Variants in FAM89A observed in about 807,000 individuals in gnomAD.
FAM89A encodes the protein family with sequence similarity 89 member A.
A neutral mutation model predicts 7.1 loss-of-function variants in FAM89A; 10 were observed. That is an observed-to-expected ratio of 1.40 (90% CI 0.86 to 2.38). FAM89A has a LOEUF of 2.38. FAM89A is among the 30% of genes most tolerant of loss of function. The pLI is 0.00. For missense variants in FAM89A, 276 were observed against 262.8 expected (o/e 1.05, Z -0.35); for synonymous variants, 157 against 129.3 (o/e 1.21, Z -1.45).
At chr1:231,037,808 A>T (rs1314530813) in intron 1 of FAM89A, among the ~76,000 whole-genome samples, 3 of 151,742 alleles carry the variant, frequency 2.0e-5, no homozygotes, top group Admixed American at 6.6e-5. Flanking sequence ...GGTCTTCCAC[A>T]CCACCCTGCT....
chr1:231,019,977 T>C lies in FAM89A; in HGVS notation c.441A>G (p.Glu147=). ...LENGFFDEEE[E]YFQEQNSLHD... is the part of the protein sequence containing the mutation. ...GCAGGGAGTTCTGCTCCTGGAAATATTCCTCCTCTTCATCGAAGAAGCCGT... is the reference window on the plus strand; with the variant it reads ...GCAGGGAGTTCTGCTCCTGGAAATACTCCTCCTCTTCATCGAAGAAGCCGT... The change falls in exon 2 of 2, where the codon GAA becomes GAG. Residue 147 remains glutamate (E), a synonymous_variant. Coordinates refer to ENST00000366654, the MANE Select transcript of FAM89A (RefSeq NM_198552.3). 2 of 1,614,098 alleles carry C rather than the reference T, an allele frequency of 1.2e-6. No individual in the cohort carries two copies.
intron 1 of FAM89A, among the ~76,000 whole-genome samples, chr1:231,037,321 T>C (rs1680173100): frequency 6.6e-6 from 1 of 152,208 alleles, no homozygotes; most frequent in Non-Finnish European, 1.5e-5. Context: ...CTAAAAGTGA[T>C]TATTTCTAGG....
chr1:231,037,628 C>T (rs1231030088), intron 1 of FAM89A, among the ~76,000 whole-genome samples: 3 of 152,174 alleles, frequency 2.0e-5, no homozygotes, highest in Admixed American at 1.3e-4. Context: ...TGGGATAATA[C>T]CATTCTCCTG....
At chr1:231,025,426 T>G (rs1234730667) in intron 1 of FAM89A, among the ~76,000 whole-genome samples, 1 of 152,160 alleles carries the variant, frequency 6.6e-6, no homozygotes, top group African/African-American at 2.4e-5. Flanking sequence ...ATATAAACTG[T>G]TGCTTCTCTG....
chr1:231,025,232 C>T (rs1027551222), intron 1 of FAM89A, among the ~76,000 whole-genome samples: 4 of 152,086 alleles, frequency 2.6e-5, no homozygotes, highest in African/African-American at 9.7e-5. Flanking sequence ...ACCACAACTA[C>T]CCTTGACACC....
chr1:231,022,128 G>A, intron 1 of FAM89A: 1 of 1,236,916 alleles, frequency 8.1e-7, no homozygotes, highest in Non-Finnish European at 1.2e-6. Context: ...GCTAATACTT[G>A]CCCAACTTGT....
At chr1:231,029,890 G>A (rs979618163) in intron 1 of FAM89A, among the ~76,000 whole-genome samples, 1 of 152,218 alleles carries the variant, frequency 6.6e-6, no homozygotes, top group African/African-American at 2.4e-5. Context: ...GGCCTGGACT[G>A]TAATTGAAGA....
At chr1:231,029,491 C>CAA (rs34339031) in intron 1 of FAM89A, among the ~76,000 whole-genome samples, 1 of 146,622 alleles carries the variant, frequency 6.8e-6, no homozygotes, top group African/African-American at 2.5e-5. Context: ...GACCCTGTCT[C>CAA]AAAAAAAAGA....
At chr1:231,026,161 TCAGGAA>T (rs1176096309) in intron 1 of FAM89A, 2 of 154,024 alleles carry the variant, frequency 1.3e-5, no homozygotes, top group Non-Finnish European at 2.9e-5. Context: ...CAGACTCACC[TCAGGAA>T]GGAGCAGCAG....
chr1:231,033,165 T>C (rs1278584035), intron 1 of FAM89A, among the ~76,000 whole-genome samples: 1 of 152,188 alleles, frequency 6.6e-6, no homozygotes, highest in Non-Finnish European at 1.5e-5. Flanking sequence ...TGTCTAATCA[T>C]CACTTCCAAA....
At chr1:231,037,073 T>A (rs764326795) in intron 1 of FAM89A, among the ~76,000 whole-genome samples, 5 of 151,952 alleles carry the variant, frequency 3.3e-5, no homozygotes, top group Non-Finnish European at 5.9e-5. Flanking sequence ...TATATGTATG[T>A]GTGTGTGTGT....
rs1680234260 is a variant in FAM89A, at chr1:231,040,056, C to T, written c.156G>A (p.Arg52=). The T allele has an allele frequency of 9.7e-6, 14 of 1,448,572 alleles. No homozygotes were observed. Among genetic ancestry groups the T allele is most frequent in the South Asian group, 1.4e-5 (1 of 73,866 alleles). 89.7% of individuals were successfully genotyped at this position (1,448,572 alleles called of 1,614,324 possible). A position where few individuals can be genotyped will look rare whatever the true frequency, so the allele number is the denominator to read the frequency against. The change falls in exon 1 of 2, where the codon CGG becomes CGA. Residue 52 remains arginine (R), a synonymous_variant. Transcript: ENST00000366654. ...GGATGCGCGACTTCTGCGCGTACAG[C>T]CGCTCCAGGTGCCGCCAGCCCCCAG... ...GASGGWRHLE[R]LYAQKSRIQD...
rs1417071483 is a variant in FAM89A at position 231,020,088 on chromosome 1, TTGGCAGAGCAAGGACATGTCCAGC to T, written c.306_329del (p.Asp104_Leu111del). The T allele has an allele frequency of 6.2e-7, 1 of 1,613,452 alleles. No individual in the cohort carries two copies. The highest frequency in any genetic ancestry group is 8.5e-7 in the Non-Finnish European group (1 of 1,179,770). On this transcript the variant is annotated inframe_deletion, in exon 2 of 2. Transcript: ENST00000366654. ...GAATCGACTCGTAGAGGCTGTACAG[TTGGCAGAGCAAGGACATGTCCAGC>T]TGGCGGAGACCAACCTTGAGGGAAG... is the stretch of plus-strand genomic sequence containing the variant.
At position 231,040,088 on chromosome 1, in the gene FAM89A, C is replaced by T. The variant is rs995435993; in HGVS notation, c.124G>A (p.Gly42Ser). The T allele has an allele frequency of 4.2e-6, 6 of 1,438,428 alleles. No homozygotes were observed. The highest frequency in any genetic ancestry group is 2.3e-5 in the Admixed American group (1 of 42,930). The allele number at this position is 1,438,428 out of a possible 1,614,324, so 89.1% of individuals were successfully genotyped here. The change falls in exon 1 of 2, where the codon GGC (glycine) becomes AGC (serine). Residue 42 changes from glycine (G) to serine (S), a missense_variant. Gly to Ser is a moderately conservative substitution (Grantham distance 56). Transcript: ENST00000366654. ...SGLLHSASGG[G>S]ASGGWRHLER... ...AGGTGCCGCCAGCCCCCAGACGCGC[C>T]GCCGCCCGACGCCGAGTGCAGCAGC...
At chr1:231,032,967 A>G (rs1182850224) in intron 1 of FAM89A, among the ~76,000 whole-genome samples, 1 of 152,240 alleles carries the variant, frequency 6.6e-6, no homozygotes, top group African/African-American at 2.4e-5. Flanking sequence ...TGTCGGGGCC[A>G]ATCAAGGAAG....
intron 1 of FAM89A, among the ~76,000 whole-genome samples, chr1:231,022,695 G>A (rs1257463514): frequency 2.6e-5 from 4 of 152,166 alleles, no homozygotes; most frequent in Non-Finnish European, 4.4e-5. Flanking sequence ...GGTCACCCGT[G>A]ATTCTGCCTG....
chr1:231,024,900 C>T (rs4658913), intron 1 of FAM89A, among the ~76,000 whole-genome samples: 93,699 of 142,188 alleles, frequency 0.66, 31,117 homozygotes, highest in Admixed American at 0.69. Flanking sequence ...GGTTCTGTTG[C>T]TACCACAACT....
chr1:231,027,579 A>C (rs1326110337), intron 1 of FAM89A, among the ~76,000 whole-genome samples: 1 of 152,210 alleles, frequency 6.6e-6, no homozygotes, highest in Non-Finnish European at 1.5e-5. Flanking sequence ...ACATAAGGTA[A>C]GTCACTGCAC....
intron 1 of FAM89A, among the ~76,000 whole-genome samples, chr1:231,031,109 C>CAATAATAAT (rs138693629): frequency 1.5e-4 from 23 of 150,286 alleles, no homozygotes; most frequent in African/African-American, 5.4e-4. Flanking sequence ...GACTCTGTCT[C>CAATAATAAT]AATAATAATA....
Sources: gnomAD v4.1 joint callset for allele counts (sites outside exome capture counted in the v4.1 genomes callset) on GRCh38, gnomAD v4.1.1 for gene constraint, MANE v1.5 for transcripts, NCBI Gene and HGNC (gene_info 2026-07-23, HGNC 2026-07-21) for gene names.